The following LRRC72 variants were observed in gnomAD, a reference collection of about 807,000 sequenced individuals.
The protein encoded by LRRC72 is leucine-rich repeat-containing protein 72.
In LRRC72, 41 loss-of-function variants were observed where a neutral mutation model predicts 35.8. The ratio of observed to expected loss-of-function variants is 1.15; its 90% CI spans 0.89 to 1.49. The LOEUF is 1.49. Ranked by LOEUF, LRRC72 falls within the 40% of genes most tolerant of loss-of-function variation. LRRC72 has a pLI of 0.00. For missense variants in LRRC72, 389 were observed against 330.7 expected, an observed-to-expected ratio of 1.18 and a Z score of -1.37; for synonymous variants, 118 against 119.2, an observed-to-expected ratio of 0.99 and a Z score of 0.07.
intron 6 of LRRC72, among the ~76,000 whole-genome samples, 174 bp from the exon 7 acceptor site, chr7:16,567,217 T>C (rs1009456702): frequency 6.6e-6 from 1 of 152,144 alleles, no homozygotes; most frequent in African/African-American, 2.4e-5. Flanking sequence ...GTATATTGAG[T>C]GCTTGTAAGA....
At chr7:16,568,222 CTTT>C (rs2128338346) in intron 7 of LRRC72, among the ~76,000 whole-genome samples, 1 of 152,272 alleles carries the variant, frequency 6.6e-6, no homozygotes, top group Admixed American at 6.5e-5. Flanking sequence ...TCTTAGTGTG[CTTT>C]ATGATTACAA....
intron 3 of LRRC72, among the ~76,000 whole-genome samples, chr7:16,543,062 G>T (rs1262395738): frequency 6.6e-6 from 1 of 152,136 alleles, no homozygotes; most frequent in Non-Finnish European, 1.5e-5. Context: ...CTGCCTAAGT[G>T]TTCATACTCC....
At chr7:16,565,739 G>T (rs1782826288) in intron 5 of LRRC72, among the ~76,000 whole-genome samples, 1 of 152,112 alleles carries the variant, frequency 6.6e-6, no homozygotes, top group African/African-American at 2.4e-5. Flanking sequence ...CACGTGCCTG[G>T]CCAGAGGTAG....
At chr7:16,553,282 T>C (rs1000651077) in intron 3 of LRRC72, among the ~76,000 whole-genome samples, 1 of 152,196 alleles carries the variant, frequency 6.6e-6, no homozygotes, top group African/African-American at 2.4e-5. Context: ...TCAGTTATGA[T>C]GTAATATCTG....
intron 7 of LRRC72, among the ~76,000 whole-genome samples, chr7:16,575,268 AG>A (rs897722789): frequency 6.6e-6 from 1 of 152,200 alleles, no homozygotes; most frequent in African/African-American, 2.4e-5. Context: ...AATATTTTAC[AG>A]AGTTTGACCC....
chr7:16,561,710 G>T (rs1782746572), intron 5 of LRRC72, among the ~76,000 whole-genome samples: 1 of 152,126 alleles, frequency 6.6e-6, no homozygotes, highest in African/African-American at 2.4e-5. Context: ...AAAACAAAAA[G>T]CATTTTCTAA....
intron 2 of LRRC72, among the ~76,000 whole-genome samples, chr7:16,536,027 C>A (rs1310911539): frequency 2.0e-5 from 3 of 152,116 alleles, no homozygotes; most frequent in African/African-American, 7.2e-5. Flanking sequence ...CATGTGCCAC[C>A]ACACCCAGCT....
rs1235349574 is a variant in LRRC72 at position 16,567,480 on chromosome 7, G to A, written c.607G>A (p.Val203Met). 1 of 1,532,166 alleles carries A rather than the reference G, an allele frequency of 6.5e-7. No homozygotes were observed. Among genetic ancestry groups the A allele is most frequent in the Non-Finnish European group, 8.8e-7 (1 of 1,137,696 alleles). 94.9% of individuals were successfully genotyped at this position (1,532,166 alleles called of 1,614,324 possible). Residue 203 changes from valine to methionine, a missense_variant, in exon 7 of 9, where the codon GTG becomes ATG. Coordinates refer to ENST00000401542, the MANE Select transcript of LRRC72 (RefSeq NM_001195280.2). ...IVQSIAFGGK[V>M]DASWDPKSPF... ...TCAATCAATAGCATTCGGAGGAAAA[G>A]TGGATGCTTCATGGGATCCTAAATC...
chr7:16,561,312 T>C (rs1583647604), intron 5 of LRRC72, among the ~76,000 whole-genome samples: 6 of 152,210 alleles, frequency 3.9e-5, no homozygotes, highest in African/African-American at 1.4e-4. Flanking sequence ...TTAAGGAAAC[T>C]TGTTATAAAA....
Position 16,567,533 on chromosome 7 carries a change from A to AGTAC in LRRC72, c.661_664dup (p.Pro222ArgfsTer10). The AGTAC allele has an allele frequency of 7.2e-7, 1 of 1,379,724 alleles. No homozygotes were observed. Among genetic ancestry groups the AGTAC allele is most frequent in the East Asian group, 2.7e-5 (1 of 37,538 alleles). 85.5% of individuals were successfully genotyped at this position (1,379,724 alleles called of 1,614,324 possible). On this transcript the variant is annotated frameshift_variant, in exon 7 of 9. Transcript: ENST00000401542. LOFTEE classifies it high-confidence loss of function. ...CATTTAAGCAAAAACCAGCCCAGAGAGTACCTTCAGGTATTTCGTAAAAAA... is the reference window on the plus strand; with the variant it reads ...CATTTAAGCAAAAACCAGCCCAGAGAGTACGTACCTTCAGGTATTTCGTAAAAAA...
At chr7:16,533,222 C>T (rs952565869) in intron 2 of LRRC72, among the ~76,000 whole-genome samples, 1 of 152,096 alleles carries the variant, frequency 6.6e-6, no homozygotes, top group Non-Finnish European at 1.5e-5. Flanking sequence ...TACCAATCCC[C>T]ATACCAGTTT....
chr7:16,527,127 G>C (rs1465608377), intron 1 of LRRC72, 85 bp downstream of exon 1: 3 of 1,075,646 alleles, frequency 2.8e-6, no homozygotes, highest in Admixed American at 2.2e-5. Flanking sequence ...ACTCCAGGCA[G>C]GTACTGAATT....
chr7:16,572,057 C>T (rs1316389582), intron 7 of LRRC72, among the ~76,000 whole-genome samples: 2 of 152,264 alleles, frequency 1.3e-5, no homozygotes, highest in South Asian at 2.1e-4. Context: ...GTTTTCCCCT[C>T]ACAGTGTTAA....
At chr7:16,529,472 T>C (rs1782127159) in intron 1 of LRRC72, among the ~76,000 whole-genome samples, 1 of 152,156 alleles carries the variant, frequency 6.6e-6, no homozygotes, top group Non-Finnish European at 1.5e-5. Flanking sequence ...ACTATCGTAA[T>C]TGCTTAAGGG....
intron 8 of LRRC72, among the ~76,000 whole-genome samples, chr7:16,580,566 C>G (rs566969634): frequency 5.3e-5 from 8 of 152,258 alleles, no homozygotes; most frequent in African/African-American, 9.6e-5. Context: ...ATCACTTGAA[C>G]CCAGGAGGCA....
chr7:16,575,326 A>C (rs1783020880), intron 7 of LRRC72, among the ~76,000 whole-genome samples: 1 of 152,140 alleles, frequency 6.6e-6, no homozygotes, highest in Non-Finnish European at 1.5e-5. Flanking sequence ...CATCAATATC[A>C]CTTAGAAACT....
intron 7 of LRRC72, among the ~76,000 whole-genome samples, chr7:16,569,182 C>T (rs1398161624): frequency 1.3e-5 from 2 of 152,106 alleles, no homozygotes; most frequent in African/African-American, 4.8e-5. Context: ...AATCCCAGCA[C>T]TTTGGGAGGC....
chr7:16,557,445 C>G lies in LRRC72; in HGVS notation c.316+4C>G, dbSNP rs781137796. On this transcript the variant is annotated splice_donor_region_variant and intron_variant, in intron 4 of 8. Coordinates refer to ENST00000401542, the MANE Select transcript of LRRC72 (RefSeq NM_001195280.2). The stretch of plus-strand genomic sequence containing the variant: ...AATGCAATATTTGAGATAGAAGGTA[C>G]GTCTTAAATTCTCTGTTGATTTAAT... 6 of 1,161,260 alleles carry G rather than the reference C, an allele frequency of 5.2e-6. No homozygotes were observed. The South Asian group carries it at 1.2e-4, about 24-fold the overall frequency. 71.9% of individuals were successfully genotyped at this position (1,161,260 alleles called of 1,614,324 possible). A position where few individuals can be genotyped will look rare whatever the true frequency, so the allele number is the denominator to read the frequency against.
chr7:16,547,357 C>A (rs1012742803), intron 3 of LRRC72, among the ~76,000 whole-genome samples: 1 of 152,086 alleles, frequency 6.6e-6, no homozygotes, highest in African/African-American at 2.4e-5. Context: ...TGAGGTGGTG[C>A]CATGCTCCAC....
Sources: allele counts gnomAD v4.1 joint callset (sites outside exome capture counted in the v4.1 genomes callset), GRCh38; gene constraint gnomAD v4.1.1; transcripts MANE v1.5; gene names NCBI Gene and HGNC (gene_info 2026-07-23, HGNC 2026-07-21).